The following LNX1 variants were observed in gnomAD, a reference collection of about 807,000 sequenced individuals.
The protein encoded by LNX1 is ligand of numb-protein X 1, also known as E3 ubiquitin-protein ligase LNX.
A neutral mutation model predicts 68.4 loss-of-function variants in LNX1; 54 were observed. That is an observed-to-expected ratio of 0.79 (90% CI 0.63 to 0.99). The LOEUF (loss-of-function observed/expected upper bound fraction) is 0.99, where lower values mean the gene tolerates loss of function less well. LNX1 is among the 50% of genes least tolerant of loss of function. The pLI, the probability that LNX1 is intolerant of heterozygous loss-of-function variation, is 0.00. For missense variants in LNX1, 906 were observed against 926.4 expected, an observed-to-expected ratio of 0.98 and a Z score of 0.29; for synonymous variants, 336 against 350.0, an observed-to-expected ratio of 0.96 and a Z score of 0.45.
upstream of LNX1, among the ~76,000 whole-genome samples, chr4:53,595,200 A>G (rs1190868414): frequency 3.3e-5 from 5 of 152,326 alleles, no homozygotes; most frequent in Middle Eastern, 3.4e-3. Context: ...TGGGTGGAAC[A>G]GGAATGATCA....
At chr4:53,563,494 G>A (rs1435959974) in intron 2 of LNX1, among the ~76,000 whole-genome samples, 13 of 151,956 alleles carry the variant, frequency 8.6e-5, no homozygotes, top group African/African-American at 2.4e-4. Flanking sequence ...AGACCCAAAG[G>A]CCAAGAGAGA....
intron 1 of LNX1, chr4:53,575,472 G>A (rs1283408919): frequency 1.8e-5 from 18 of 979,016 alleles, no homozygotes; most frequent in Non-Finnish European, 2.2e-5. Context: ...GCAGACCTTT[G>A]AGAGAGACTT....
intron 2 of LNX1, among the ~76,000 whole-genome samples, chr4:53,600,303 C>G (rs17083188): frequency 0.33 from 50,779 of 151,812 alleles, 8,710 homozygotes; most frequent in South Asian, 0.48. Context: ...AGGACACATG[C>G]ACACAAAAAA....
intron 2 of LNX1, among the ~76,000 whole-genome samples, chr4:53,560,791 T>G (rs1730231458): frequency 6.6e-6 from 1 of 152,220 alleles, no homozygotes; most frequent in Non-Finnish European, 1.5e-5. Context: ...CCTTAGACTT[T>G]GTATTACATG....
intron 2 of LNX1, among the ~76,000 whole-genome samples, chr4:53,527,275 A>G (rs1050525349): frequency 1.3e-5 from 2 of 152,188 alleles, no homozygotes; most frequent in African/African-American, 4.8e-5. Context: ...TTCAAGGTGT[A>G]AGCTATTTTT....
At chr4:53,495,548 C>CTTTTTTTTTTTTGTTTTTTTTTTTT (rs1724989724) in intron 6 of LNX1, among the ~76,000 whole-genome samples, 1 of 119,414 alleles carries the variant, frequency 8.4e-6, no homozygotes, top group Non-Finnish European at 1.8e-5. Flanking sequence ...CATGGCATAG[C>CTTTTTTTTTTTTGTTTTTTTTTTTT]TTTTTTTTTT....
intron 2 of LNX1, among the ~76,000 whole-genome samples, chr4:53,517,362 A>C (rs1726863309): frequency 6.6e-6 from 1 of 152,168 alleles, no homozygotes; most frequent in Non-Finnish European, 1.5e-5. Flanking sequence ...ATTGTGTGAG[A>C]TAAAAATAAA....
intron 2 of LNX1, among the ~76,000 whole-genome samples, chr4:53,600,555 C>T (rs1732954387): frequency 6.6e-6 from 1 of 151,986 alleles, no homozygotes; most frequent in Non-Finnish European, 1.5e-5. Context: ...ATGAAAACCA[C>T]TCACTATTAC....
Position 53,509,019 on chromosome 4 carries a change from A to C in LNX1, c.381-792T>G, listed in dbSNP as rs1262493711. 1.9e-4 allele frequency among the ~76,000 whole-genome samples: 29 copies of C among 152,248 alleles called. 1 individual carries two copies. Among genetic ancestry groups the C allele is most frequent in the Admixed American group, 1.9e-3 (29 of 15,284 alleles). The stretch of plus-strand genomic sequence containing the variant: ...TATTGGTGCAATAGAAAGAAGTTGA[A>C]AAAGAACATTCTCGAGGCTCAGAAG... On this transcript the variant is annotated intron_variant, in intron 2 of 10. Transcript: ENST00000263925.
At chr4:53,639,794 G>A (rs531972089) in intron 1 of LNX1, among the ~76,000 whole-genome samples, 1 of 152,308 alleles carries the variant, frequency 6.6e-6, no homozygotes, top group Non-Finnish European at 1.5e-5. Flanking sequence ...CACTTTGGGA[G>A]GCCGAGGCGG....
intron 2 of LNX1, among the ~76,000 whole-genome samples, chr4:53,509,853 C>G (rs968748416): frequency 3.3e-5 from 5 of 152,184 alleles, no homozygotes; most frequent in African/African-American, 7.2e-5. Context: ...GCACTGCAAA[C>G]CCAGTCGCAC....
rs370379641 is a variant in LNX1 at position 53,538,518 on chromosome 4, C to G, written c.381-30291G>C. On this transcript the variant is annotated intron_variant, in intron 2 of 10. Coordinates refer to ENST00000263925, the MANE Select transcript of LNX1 (RefSeq NM_001126328.3). ...AGGGTTCATCGTTGAAAAACCACTC[C>G]ATTACTCTTCAGGTACAATTAATCT... 7.9e-5 allele frequency among the ~76,000 whole-genome samples: 12 copies of G among 152,296 alleles called. No homozygotes were observed. In the East Asian group the frequency reaches 1.5e-3, roughly 20 times the overall value.
At chr4:53,644,690 G>T (rs940602798) in intron 1 of LNX1, among the ~76,000 whole-genome samples, 1 of 152,156 alleles carries the variant, frequency 6.6e-6, no homozygotes, top group Non-Finnish European at 1.5e-5. Flanking sequence ...AGTGTCCCAG[G>T]TTGGGTAGGT....
chr4:53,532,933 T>A (rs1298490508), intron 2 of LNX1, among the ~76,000 whole-genome samples: 2 of 152,208 alleles, frequency 1.3e-5, no homozygotes, highest in Non-Finnish European at 2.9e-5. Flanking sequence ...GCTAGGCTGA[T>A]GCTCTGTCCT....
At position 53,575,425 on chromosome 4, in the gene LNX1, C is replaced by T. The variant is rs17083065; in HGVS notation, c.-86-1337G>A. 4.1e-4 allele frequency: 341 copies of T among 841,320 alleles called. No individual in the cohort carries two copies. In the African/African-American group the frequency reaches 6.1e-3, roughly 15 times the overall value. 52.1% of individuals were successfully genotyped at this position (841,320 alleles called of 1,614,324 possible). A position where few individuals can be genotyped will look rare whatever the true frequency, so the allele number is the denominator to read the frequency against. On this transcript the variant is annotated intron_variant, in intron 1 of 10. Transcript: ENST00000263925. ...GCGTAGAAAGTCAATAAATAGTTTT[C>T]AAGCGCCAACTCTGAGCTAGGTCAT...
chr4:53,480,727 T>C (rs1723856125), intron 7 of LNX1, among the ~76,000 whole-genome samples: 1 of 152,284 alleles, frequency 6.6e-6, no homozygotes, highest in South Asian at 2.1e-4. Flanking sequence ...ATTAACATAG[T>C]ATAAAGCAGA....
intron 2 of LNX1, among the ~76,000 whole-genome samples, chr4:53,522,217 A>G (rs1727277222): frequency 6.6e-6 from 1 of 152,162 alleles, no homozygotes; most frequent in Non-Finnish European, 1.5e-5. Flanking sequence ...GTCTTTGTCC[A>G]ATCTGGCTTC....
At chr4:53,588,259 C>T (rs1357122655) in intron 1 of LNX1, among the ~76,000 whole-genome samples, 1 of 152,156 alleles carries the variant, frequency 6.6e-6, no homozygotes. Flanking sequence ...CATGGTAGAA[C>T]TGGGTCTGAT....
At chr4:53,606,261 A>C (rs1733229128) in intron 2 of LNX1, among the ~76,000 whole-genome samples, 1 of 152,088 alleles carries the variant, frequency 6.6e-6, no homozygotes, top group Non-Finnish European at 1.5e-5. Flanking sequence ...ATTATCACTG[A>C]CCCCACAGAA....
Sources: allele counts gnomAD v4.1 joint callset (sites outside exome capture counted in the v4.1 genomes callset), GRCh38; gene constraint gnomAD v4.1.1; transcripts MANE v1.5; gene names NCBI Gene and HGNC (gene_info 2026-07-23, HGNC 2026-07-21).